The following SLC25A43 variants were observed in gnomAD, a reference collection of about 807,000 sequenced individuals.
The protein encoded by SLC25A43 is solute carrier family 25 member 43.
In SLC25A43, 10 loss-of-function variants were observed where a neutral mutation model predicts 22.8. The observed-to-expected ratio is 0.44, with a 90% confidence interval of 0.27 to 0.74. The LOEUF is 0.74. SLC25A43 is among the 30% of genes least tolerant of loss of function. The pLI, the probability that SLC25A43 is intolerant of heterozygous loss-of-function variation, is 0.17. For synonymous variants in SLC25A43, 106 were observed against 121.6 expected (o/e 0.87, Z 0.84); for missense variants, 233 against 279.1 (o/e 0.83, Z 1.18).
intron 1 of SLC25A43, among the ~76,000 whole-genome samples, chrX:119,405,980 C>G (rs755244877): frequency 9.0e-6 from 1 of 110,953 alleles, no homozygotes; most frequent in Non-Finnish European, 1.9e-5. Flanking sequence ...TGAAGTGAGC[C>G]GAGATCGTGC....
At chrX:119,402,385 G>A (rs1004686279) in intron 1 of SLC25A43, among the ~76,000 whole-genome samples, 3 of 111,716 alleles carry the variant, frequency 2.7e-5, no homozygotes, top group African/African-American at 9.8e-5. Context: ...TCTGTTGGGA[G>A]CTAGGTTATT....
chrX:119,405,480 C>T (rs1392553660), intron 1 of SLC25A43, among the ~76,000 whole-genome samples: 1 of 106,493 alleles, frequency 9.4e-6, no homozygotes, highest in Non-Finnish European at 1.9e-5. Flanking sequence ...AAAGATAGGC[C>T]GGGCACAGTG....
chrX:119,404,742 G>A (rs777799208), intron 1 of SLC25A43, among the ~76,000 whole-genome samples: 6 of 111,065 alleles, frequency 5.4e-5, no homozygotes, highest in Non-Finnish European at 1.1e-4. Context: ...CCAATCTTTT[G>A]GTTTCCCTGG....
rs770657515 is a variant in SLC25A43 at position 119,401,286 on chromosome X, A to G, written c.275+1608A>G. ...TTTGACACTAATTTAGTCAGGCTAC[A>G]TTAAGTCCCCACTGTGTGCACGATG... On this transcript the variant is annotated intron_variant, in intron 1 of 4. Transcript: ENST00000217909. Among the ~76,000 whole-genome samples, 3 of 111,380 alleles carry G rather than the reference A, an allele frequency of 2.7e-5. No individual in the cohort carries two copies. The Admixed American group carries it at 2.9e-4, about 11-fold the overall frequency.
chrX:119,409,160 A>T (rs1264146384), intron 2 of SLC25A43, among the ~76,000 whole-genome samples: 3 of 93,006 alleles, frequency 3.2e-5, no homozygotes, highest in South Asian at 5.0e-4. Flanking sequence ...TTTTTATTTT[A>T]TTTATTTATT....
rs2052218423 is a variant in SLC25A43, at chrX:119,399,621, CG to C, written c.220del (p.Val74TrpfsTer50). ...CTCCGGGCCCTGTGGAAGGGGAACGCGGTGGCGTGCCTGCGCCTCTTCCCCT... is the reference window on the plus strand; with the variant it reads ...CTCCGGGCCCTGTGGAAGGGGAACGCGTGGCGTGCCTGCGCCTCTTCCCCT... ...EGLRALWKGN[A>X]VACLRLFPCS... On this transcript the variant is annotated frameshift_variant, in exon 1 of 5. Coordinates refer to ENST00000217909, the MANE Select transcript of SLC25A43 (RefSeq NM_145305.3). LOFTEE classifies it high-confidence loss of function. The C allele has an allele frequency of 5.9e-6, 6 of 1,016,549 alleles. No individual in the cohort carries two copies. Among genetic ancestry groups the C allele is most frequent in the Non-Finnish European group, 7.5e-6 (6 of 802,452 alleles). 83.8% of individuals were successfully genotyped at this position (1,016,549 alleles called of 1,213,427 possible).
At chrX:119,427,339 T>G (rs1484727938) in intron 3 of SLC25A43, among the ~76,000 whole-genome samples, 1 of 112,118 alleles carries the variant, frequency 8.9e-6, no homozygotes, top group Non-Finnish European at 1.9e-5. Context: ...CTTCCCCCAT[T>G]GTGATCGCAG....
intron 2 of SLC25A43, among the ~76,000 whole-genome samples, chrX:119,409,254 C>T (rs1209151915): frequency 3.7e-5 from 4 of 109,367 alleles, no homozygotes; most frequent in South Asian, 3.9e-4. Flanking sequence ...AATCTCGGCT[C>T]ACTGCAACGT....
chrX:119,401,038 C>G (rs772144272), intron 1 of SLC25A43, among the ~76,000 whole-genome samples: 21 of 111,640 alleles, frequency 1.9e-4, no homozygotes, highest in Admixed American at 1.3e-3. Flanking sequence ...TATTGTGGCT[C>G]TTCTGCTAAG....
chrX:119,435,482 ATT>A (rs2052597208), intron 3 of SLC25A43, among the ~76,000 whole-genome samples: 1 of 6,528 alleles, frequency 1.5e-4, no homozygotes, highest in Non-Finnish European at 3.2e-4. Flanking sequence ...TTTTTTTTTT[ATT>A]ATACTCTAAG....
chrX:119,414,692 T>C (rs906823602), intron 3 of SLC25A43, among the ~76,000 whole-genome samples: 4 of 111,466 alleles, frequency 3.6e-5, no homozygotes, highest in Admixed American at 9.6e-5. Flanking sequence ...TATCCCATGA[T>C]CCTATGACTA....
At chrX:119,411,100 TACCTC>T (rs778514362) in intron 3 of SLC25A43, among the ~76,000 whole-genome samples, 2 of 110,605 alleles carry the variant, frequency 1.8e-5, no homozygotes, top group African/African-American at 3.3e-5. Flanking sequence ...CACTGTGCCT[TACCTC>T]AGTGAAGCAG....
Position 119,410,190 on chromosome X carries a change from G to T in SLC25A43, c.518G>T (p.Gly173Val), listed in dbSNP as rs919254303. ...LYRGVSLTVV[G>V]ALPFSAGSLL... ...GCTTCTCCCTGGCCTTGTTTTGCAG[G>T]TGCTCTCCCGTTCTCTGCTGGCTCC... The change falls in exon 3 of 5, where the codon GGT becomes GTT. Residue 173 changes from glycine (G) to valine (V), a missense_variant and splice_region_variant. Coordinates refer to ENST00000217909, the MANE Select transcript of SLC25A43 (RefSeq NM_145305.3). 8.3e-7 allele frequency: 1 copy of T among 1,207,507 alleles called. No individual in the cohort carries two copies. The highest frequency in any genetic ancestry group is 2.2e-5 in the Admixed American group (1 of 45,502).
At chrX:119,408,671 T>C (rs1340619057) in intron 2 of SLC25A43, among the ~76,000 whole-genome samples, 1 of 112,261 alleles carries the variant, frequency 8.9e-6, no homozygotes, top group Non-Finnish European at 1.9e-5. Context: ...TTCACTTGTA[T>C]TATCCCCTAT....
intron 3 of SLC25A43, among the ~76,000 whole-genome samples, chrX:119,430,516 C>T (rs1253704181): frequency 2.7e-5 from 3 of 111,803 alleles, no homozygotes; most frequent in Non-Finnish European, 5.6e-5. Flanking sequence ...GCTTTGTCTC[C>T]CAGGCACTCT....
chrX:119,400,198 C>T (rs1276759333), intron 1 of SLC25A43, among the ~76,000 whole-genome samples: 1 of 110,198 alleles, frequency 9.1e-6, no homozygotes, highest in Non-Finnish European at 1.9e-5. Flanking sequence ...GCCCACACAT[C>T]TCCCCAACTT....
chrX:119,435,612 C>T (rs1179925385), intron 3 of SLC25A43, among the ~76,000 whole-genome samples: 2 of 48,354 alleles, frequency 4.1e-5, no homozygotes, highest in Non-Finnish European at 7.3e-5. Flanking sequence ...AATGCTATCC[C>T]TCCCCCCTCC....
intron 1 of SLC25A43, among the ~76,000 whole-genome samples, chrX:119,402,329 G>T (rs1454931980): frequency 8.9e-6 from 1 of 111,884 alleles, no homozygotes; most frequent in African/African-American, 3.3e-5. Flanking sequence ...TTGCACAGCA[G>T]AAATATCTGC....
At chrX:119,408,784 C>T (rs1202723671) in intron 2 of SLC25A43, among the ~76,000 whole-genome samples, 1 of 111,540 alleles carries the variant, frequency 9.0e-6, no homozygotes, top group Non-Finnish European at 1.9e-5. Context: ...ATATTACTTA[C>T]TCACCATCTC....
Sources: gnomAD v4.1 joint callset for allele counts (sites outside exome capture counted in the v4.1 genomes callset) on GRCh38, gnomAD v4.1.1 for gene constraint, MANE v1.5 for transcripts, NCBI Gene and HGNC (gene_info 2026-07-23, HGNC 2026-07-21) for gene names.